Variants in SPECC1 observed in about 807,000 individuals in gnomAD.
SPECC1 encodes cytospin-B.
SPECC1 carries 62 observed loss-of-function variants against 104.1 expected under a neutral mutation model. That is an observed-to-expected ratio of 0.60 (90% CI 0.49 to 0.74). The LOEUF (loss-of-function observed/expected upper bound fraction) is 0.74. SPECC1 is among the 30% of genes least tolerant of loss of function. The pLI, the probability that SPECC1 is intolerant of heterozygous loss-of-function variation, is 0.00. For synonymous variants in SPECC1, 513 were observed against 501.6 expected, an observed-to-expected ratio of 1.02 and a Z score of -0.30; for missense variants, 1,306 against 1,310.5, an observed-to-expected ratio of 1.00 and a Z score of 0.05.
intron 5 of SPECC1, among the ~76,000 whole-genome samples, chr17:20,231,480 T>G (rs1178638986): frequency 6.6e-6 from 1 of 152,214 alleles, no homozygotes; most frequent in African/African-American, 2.4e-5. Context: ...CCCGTAGTGC[T>G]GCTATTTGGT....
At chr17:20,170,620 C>T (rs2034015706) in intron 3 of SPECC1, among the ~76,000 whole-genome samples, 1 of 152,210 alleles carries the variant, frequency 6.6e-6, no homozygotes. Flanking sequence ...TCCTTTCCCT[C>T]AGTCTTTCAT....
chr17:20,170,900 CTTTGT>C (rs1301028925), intron 3 of SPECC1, among the ~76,000 whole-genome samples: 1 of 152,084 alleles, frequency 6.6e-6, no homozygotes, highest in Non-Finnish European at 1.5e-5. Context: ...TGAAAATCCC[CTTTGT>C]TTTATCTGCC....
In SPECC1 at chr17:20,028,478, GAAAAA is replaced by G. The variant is rs915649319; in HGVS notation, c.-22+19061_-22+19065del. On this transcript the variant is annotated intron_variant, in intron 1 of 14. Transcript: ENST00000395527. Reference sequence around the variant, plus strand: ...GGTGAGATTCTATCTCTACAAAAAAGAAAAAAAAAAAGAAAAAAATAGAAAAGCAC... The same window carrying G: ...GGTGAGATTCTATCTCTACAAAAAAGAAAAAAGAAAAAAATAGAAAAGCAC... Among the ~76,000 whole-genome samples, 3 of 139,078 alleles carry G rather than the reference GAAAAA, an allele frequency of 2.2e-5. No individual in the cohort carries two copies. The South Asian group carries it at 6.8e-4, about 32-fold the overall frequency. 91.2% of individuals were successfully genotyped at this position (139,078 alleles called of 152,430 possible). A position where few individuals can be genotyped will look rare whatever the true frequency, so the allele number is the denominator to read the frequency against.
intron 7 of SPECC1, among the ~76,000 whole-genome samples, chr17:20,235,139 T>G (rs2038832985): frequency 6.6e-6 from 1 of 152,202 alleles, no homozygotes; most frequent in Non-Finnish European, 1.5e-5. Context: ...CTGGACTGGT[T>G]GGTTAGCTGA....
intron 3 of SPECC1, among the ~76,000 whole-genome samples, chr17:20,183,023 G>T (rs913204507): frequency 4.6e-5 from 7 of 152,226 alleles, no homozygotes; most frequent in African/African-American, 1.7e-4. Flanking sequence ...TATAAAATAT[G>T]CTGAAATATT....
At chr17:20,040,164 T>C (rs537735154) in intron 1 of SPECC1, among the ~76,000 whole-genome samples, 104 of 150,556 alleles carry the variant, frequency 6.9e-4, no homozygotes, top group East Asian at 2.7e-3. Context: ...TATATATATA[T>C]ACACACACAT....
Position 20,150,166 on chromosome 17 carries a change from G to A in SPECC1, c.283+39604G>A, listed in dbSNP as rs149205562. ...TTTTTTGTATTTTTTTTTTAGTATA[G>A]TAGAGACAGGGTTTCACCGTTTTAG... On this transcript the variant is annotated intron_variant, in intron 3 of 14. Coordinates refer to ENST00000395527, the MANE Select transcript of SPECC1 (RefSeq NM_001243439.2). 6.7e-3 allele frequency among the ~76,000 whole-genome samples: 1,022 copies of A among 151,470 alleles called. 11 individuals carry two copies. The highest frequency in any genetic ancestry group is 0.024 in the African/African-American group (973 of 41,270).
intron 3 of SPECC1, chr17:20,112,187 A>C: frequency 1.3e-6 from 1 of 764,102 alleles, no homozygotes; most frequent in East Asian, 2.5e-5. Context: ...ATGTTTAAGG[A>C]CAAAGATGTC....
chr17:20,211,798 A>T lies in SPECC1; in HGVS notation c.1863+5886A>T, dbSNP rs527607043. ...ACCCCTTGCTCTTACCTGTGACTCC[A>T]CAGGGGGCTGCTTCCCAATCCTGCC... On this transcript the variant is annotated intron_variant, in intron 4 of 14. Coordinates refer to ENST00000395527, the MANE Select transcript of SPECC1 (RefSeq NM_001243439.2). Among the ~76,000 whole-genome samples, 20 of 152,334 alleles carry T rather than the reference A, an allele frequency of 1.3e-4. No individual in the cohort carries two copies. The South Asian group carries it at 4.1e-3, about 32-fold the overall frequency.
intron 3 of SPECC1, among the ~76,000 whole-genome samples, chr17:20,133,646 A>G (rs918360485): frequency 1.3e-5 from 2 of 152,196 alleles, no homozygotes; most frequent in South Asian, 2.1e-4. Context: ...TCCTGTTGCA[A>G]ACACTGCAGG....
chr17:20,306,083 G>A lies in SPECC1; in HGVS notation c.3117+1G>A, dbSNP rs769316697. 3 of 1,613,156 alleles carry A rather than the reference G, an allele frequency of 1.9e-6. No individual in the cohort carries two copies. Among genetic ancestry groups the A allele is most frequent in the Non-Finnish European group, 2.5e-6 (3 of 1,179,576 alleles). The stretch of plus-strand genomic sequence containing the variant: ...AAGTGTAGGCATCAAACCCAGCCTG[G>A]TACGTATCCTATTTTGTATCCTTGT... On this transcript the variant is annotated splice_donor_variant, in intron 14 of 14. Transcript: ENST00000395527. LOFTEE classifies it high-confidence loss of function.
chr17:20,174,213 GC>G (rs533444211), intron 3 of SPECC1, among the ~76,000 whole-genome samples: 23 of 152,076 alleles, frequency 1.5e-4, no homozygotes, highest in African/African-American at 5.5e-4. Flanking sequence ...ACATGCCTAA[GC>G]CACTACACCT....
chr17:20,232,004 G>A (rs1264050509), intron 6 of SPECC1, among the ~76,000 whole-genome samples, 173 bp downstream of exon 6: 1 of 152,188 alleles, frequency 6.6e-6, no homozygotes, highest in Non-Finnish European at 1.5e-5. Context: ...TTTGGTGTCA[G>A]GATGGAGAAT....
chr17:20,070,509 A>AT (rs1390967881), intron 1 of SPECC1, among the ~76,000 whole-genome samples: 1 of 152,068 alleles, frequency 6.6e-6, no homozygotes, highest in African/African-American at 2.4e-5. Flanking sequence ...GTTTGCTAGT[A>AT]TTTTGTTGAG....
At chr17:20,078,375 T>C (rs1056699646) in intron 1 of SPECC1, among the ~76,000 whole-genome samples, 2 of 151,532 alleles carry the variant, frequency 1.3e-5, no homozygotes, top group African/African-American at 4.8e-5. Flanking sequence ...TGGGCAAAGG[T>C]TATAAAAAAG....
chr17:20,318,658 T>C lies in SPECC1; in HGVS notation c.*4593T>C, dbSNP rs1309533999. The stretch of plus-strand genomic sequence containing the variant: ...AGTTCTCACCCTTCCAAAGCTCGAG[T>C]GCCATTTTGAGATGACCTACCAATG... On this transcript the variant is annotated 3_prime_UTR_variant, in exon 15 of 15. Transcript: ENST00000395527. 1 of 227,098 alleles carries C rather than the reference T, an allele frequency of 4.4e-6. No homozygotes were observed. Among genetic ancestry groups the C allele is most frequent in the African/African-American group, 2.2e-5 (1 of 44,970 alleles). The allele number at this position is 227,098 out of a possible 1,614,324, so 14.1% of individuals were successfully genotyped here. A position where few individuals can be genotyped will look rare whatever the true frequency, so the allele number is the denominator to read the frequency against.
At chr17:20,087,311 T>G (rs759952027) in intron 1 of SPECC1, among the ~76,000 whole-genome samples, 3 of 152,204 alleles carry the variant, frequency 2.0e-5, no homozygotes, top group Non-Finnish European at 2.9e-5. Flanking sequence ...TTAAGAATAT[T>G]AAGTTTTATA....
chr17:20,053,835 T>A (rs2045864933), intron 1 of SPECC1, among the ~76,000 whole-genome samples: 1 of 152,226 alleles, frequency 6.6e-6, no homozygotes, highest in South Asian at 2.1e-4. Context: ...TATCTTAGAT[T>A]CCTGGCCCAC....
intron 3 of SPECC1, among the ~76,000 whole-genome samples, chr17:20,183,148 C>G (rs2035025661): frequency 6.6e-6 from 1 of 152,124 alleles, no homozygotes. Context: ...TGTTCAACAT[C>G]AGTAGTAATC....
Sources: allele counts gnomAD v4.1 joint callset (sites outside exome capture counted in the v4.1 genomes callset), GRCh38; gene constraint gnomAD v4.1.1; transcripts MANE v1.5; gene names NCBI Gene and HGNC (gene_info 2026-07-23, HGNC 2026-07-21).